The following RTKN2 variants were observed in gnomAD, a reference collection of about 807,000 sequenced individuals.
RTKN2 encodes rhotekin-2.
A neutral mutation model predicts 71.5 loss-of-function variants in RTKN2; 69 were observed. That is an observed-to-expected ratio of 0.96 (90% CI 0.79 to 1.18). RTKN2 has a LOEUF of 1.18. RTKN2 is among the 50% of genes most tolerant of loss of function. The pLI is 0.00. For missense variants in RTKN2, 724 were observed against 719.7 expected (o/e 1.01, Z -0.07); for synonymous variants, 236 against 236.5 (o/e 1.00, Z 0.02).
intron 2 of RTKN2, among the ~76,000 whole-genome samples, chr10:62,256,351 G>A (rs955769225): frequency 7.2e-5 from 11 of 151,956 alleles, no homozygotes; most frequent in Non-Finnish European, 1.6e-4. Context: ...AATGACAAGG[G>A]GTTTTTAGAA....
intron 6 of RTKN2, among the ~76,000 whole-genome samples, chr10:62,235,252 G>A (rs1448066111): frequency 5.3e-5 from 8 of 151,908 alleles, no homozygotes; most frequent in Non-Finnish European, 8.8e-5. Context: ...TCCAGAATTG[G>A]GCAATATGAA....
intron 6 of RTKN2, among the ~76,000 whole-genome samples, chr10:62,234,747 G>C (rs187875842): frequency 2.3e-3 from 357 of 152,112 alleles, no homozygotes; most frequent in African/African-American, 8.3e-3. Context: ...GATATACAAA[G>C]TCACCAAATT....
Position 62,195,098 on chromosome 10 carries a change from A to T in RTKN2, c.*2810T>A. 1 of 981,924 alleles carries T rather than the reference A, an allele frequency of 1.0e-6. No homozygotes were observed. Among genetic ancestry groups the T allele is most frequent in the Non-Finnish European group, 1.2e-6 (1 of 826,740 alleles). 60.8% of individuals were successfully genotyped at this position (981,924 alleles called of 1,614,324 possible). A position where few individuals can be genotyped will look rare whatever the true frequency, so the allele number is the denominator to read the frequency against. ...CCACTTAGTAGCAATTAAAAATAAT[A>T]CTATCTTAATGCTGACTACGTAATT... On this transcript the variant is annotated 3_prime_UTR_variant, in exon 12 of 12. Coordinates refer to ENST00000373789, the MANE Select transcript of RTKN2 (RefSeq NM_145307.4).
intron 1 of RTKN2, among the ~76,000 whole-genome samples, chr10:62,265,059 G>A (rs1842844505): frequency 6.6e-6 from 1 of 151,368 alleles, no homozygotes; most frequent in Non-Finnish European, 1.5e-5. Flanking sequence ...TAAAACTATA[G>A]AAGCTTGGGA....
downstream of RTKN2, among the ~76,000 whole-genome samples, chr10:62,192,907 C>G (rs1841245875): frequency 6.6e-6 from 1 of 152,086 alleles, no homozygotes; most frequent in African/African-American, 2.4e-5. Flanking sequence ...TTAAAACTAA[C>G]TGAAAATACC....
At chr10:62,246,424 T>A (rs1842480393) in intron 2 of RTKN2, among the ~76,000 whole-genome samples, 1 of 152,084 alleles carries the variant, frequency 6.6e-6, no homozygotes, top group Admixed American at 6.5e-5. Flanking sequence ...CATTTCTAAC[T>A]TATCAGATAC....
At chr10:62,223,979 T>C (rs1481076040) in intron 6 of RTKN2, among the ~76,000 whole-genome samples, 18 of 136,192 alleles carry the variant, frequency 1.3e-4, no homozygotes, top group Admixed American at 4.5e-4. Context: ...TGTGTATATA[T>C]ACACATACAT....
At position 62,196,054 on chromosome 10, in the gene RTKN2, A is replaced by AG. The variant is rs1841325243; in HGVS notation, c.*1853_*1854insC. 3.0e-6 allele frequency: 3 copies of AG among 985,402 alleles called. No homozygotes were observed. The highest frequency in any genetic ancestry group is 1.7e-5 in the African/African-American group (1 of 57,368). The allele number at this position is 985,402 out of a possible 1,614,324, so 61.0% of individuals were successfully genotyped here. On this transcript the variant is annotated 3_prime_UTR_variant, in exon 12 of 12. Transcript: ENST00000373789. ...AGGAAGGCATCAACTAGGAAAAAAA[A>AG]AAGAATGCTTAGATGCCAGCTTCAA... is the stretch of plus-strand genomic sequence containing the variant.
At chr10:62,222,122 T>C (rs777070127) in intron 7 of RTKN2, among the ~76,000 whole-genome samples, 4 of 152,154 alleles carry the variant, frequency 2.6e-5, no homozygotes, top group Non-Finnish European at 4.4e-5. Context: ...CATGTTCTAT[T>C]TCTTGAGACA....
rs187648214 is a variant in RTKN2, at chr10:62,220,583, G to A, written c.782-2282C>T. Among the ~76,000 whole-genome samples the A allele has an allele frequency of 3.3e-3, 509 of 152,126 alleles. 2 individuals carry two copies. Among genetic ancestry groups the A allele is most frequent in the Non-Finnish European group, 5.3e-3 (362 of 67,970 alleles). ...GAGTAAGAAACACGAAGGATACAAT[G>A]AAAAAGACTAACATAGGTTTAACAG... On this transcript the variant is annotated intron_variant, in intron 7 of 11. Transcript: ENST00000373789.
In RTKN2 at chr10:62,196,451, CAA is replaced by C; in HGVS notation, c.*1455_*1456del. ...TCTTACTAGGAGTCCTGGGCAAACA[CAA>C]AAGTGTCCTGGCAGTTACATCATTC... On this transcript the variant is annotated 3_prime_UTR_variant, in exon 12 of 12. Transcript: ENST00000373789. 1 of 985,354 alleles carries C rather than the reference CAA, an allele frequency of 1.0e-6. No homozygotes were observed. The highest frequency in any genetic ancestry group is 4.7e-5 in the South Asian group (1 of 21,294). 61.0% of individuals were successfully genotyped at this position (985,354 alleles called of 1,614,324 possible).
At chr10:62,255,217 G>A (rs1165570669) in intron 2 of RTKN2, among the ~76,000 whole-genome samples, 1 of 152,064 alleles carries the variant, frequency 6.6e-6, no homozygotes, top group African/African-American at 2.4e-5. Flanking sequence ...TATAAATATT[G>A]ATATAAACTC....
chr10:62,237,978 G>A (rs187616398), intron 5 of RTKN2, among the ~76,000 whole-genome samples: 1 of 151,934 alleles, frequency 6.6e-6, no homozygotes, highest in East Asian at 1.9e-4. Context: ...ATTAAAGACT[G>A]TGGTGGTGTT....
chr10:62,200,382 A>G (rs920328240), intron 10 of RTKN2, among the ~76,000 whole-genome samples: 17 of 150,922 alleles, frequency 1.1e-4, no homozygotes, highest in South Asian at 4.2e-4. Flanking sequence ...AAAAAAAAAA[A>G]AAAAGAAAAA....
At position 62,184,181 on chromosome 10, in the gene RTKN2, T is replaced by C. The variant is rs896479912; in HGVS notation, c.*141A>G. On this transcript the variant is annotated 3_prime_UTR_variant, in exon 9 of 9. Coordinates refer to the RTKN2 transcript ENST00000315289. ...AAATATTCTTCTAAGGTCACTATTA[T>C]GTGTCAGGTGCCGTACTGGGTGCTA... 7.0e-6 allele frequency: 4 copies of C among 571,502 alleles called. No individual in the cohort carries two copies. In the South Asian group the frequency reaches 7.2e-5, roughly 10 times the overall value. The allele number at this position is 571,502 out of a possible 1,614,324, so 35.4% of individuals were successfully genotyped here. A position where few individuals can be genotyped will look rare whatever the true frequency, so the allele number is the denominator to read the frequency against.
intron 3 of RTKN2, among the ~76,000 whole-genome samples, chr10:62,243,491 T>A (rs1411910505): frequency 1.3e-5 from 2 of 152,022 alleles, no homozygotes; most frequent in African/African-American, 4.8e-5. Flanking sequence ...CTATTTACAC[T>A]ATCATGGGAG....
At chr10:62,267,363 C>T (rs1322290169) in intron 1 of RTKN2, among the ~76,000 whole-genome samples, 2 of 152,170 alleles carry the variant, frequency 1.3e-5, no homozygotes, top group African/African-American at 4.8e-5. Context: ...AATAAATACA[C>T]CTGGACAGCT....
exon 9 of RTKN2, chr10:62,184,101 A>G: frequency 2.2e-6 from 1 of 450,324 alleles, no homozygotes; most frequent in Non-Finnish European, 3.9e-6. Flanking sequence ...CCTGGTAAAC[A>G]CTGAATGGAA....
chr10:62,191,272 G>A (rs559160624), downstream of RTKN2, among the ~76,000 whole-genome samples: 2 of 152,226 alleles, frequency 1.3e-5, no homozygotes, highest in East Asian at 3.9e-4. Flanking sequence ...AAGTAGCTGG[G>A]ACTGCAGGCA....
Sources: allele counts gnomAD v4.1 joint callset (sites outside exome capture counted in the v4.1 genomes callset), GRCh38; gene constraint gnomAD v4.1.1; transcripts MANE v1.5; gene names NCBI Gene and HGNC (gene_info 2026-07-23, HGNC 2026-07-21).